The following CSMD3 variants were observed in gnomAD, a reference collection of about 807,000 sequenced individuals.
CSMD3 encodes CUB and sushi domain-containing protein 3.
CSMD3 carries 177 observed loss-of-function variants against 435.2 expected under a neutral mutation model. That is an observed-to-expected ratio of 0.41 (90% CI 0.36 to 0.46). The LOEUF (loss-of-function observed/expected upper bound fraction) is 0.46. Ranked by LOEUF, CSMD3 falls within the 20% of genes least tolerant of loss-of-function variation. CSMD3 has a pLI of 0.34. For synonymous variants in CSMD3, 1,656 were observed against 1,520.5 expected (o/e 1.09, Z -2.07); for missense variants, 4,265 against 4,504.6 (o/e 0.95, Z 1.52).
chr8:112,410,726 A>ATGT (rs2130118618), intron 32 of CSMD3, among the ~76,000 whole-genome samples: 2 of 142,616 alleles, frequency 1.4e-5, no homozygotes, highest in Admixed American at 7.2e-5. Context: ...GTATATATAT[A>ATGT]GGAAAGGTTT....
rs2093255639 is a variant in CSMD3 at position 113,244,550 on chromosome 8, A to G, written c.514+34042T>C. 5.9e-5 allele frequency among the ~76,000 whole-genome samples: 9 copies of G among 152,054 alleles called. No homozygotes were observed. The South Asian group carries it at 1.9e-3, about 32-fold the overall frequency. ...AGGCTGGTCTCAAACTCCTGACCTC[A>G]TGATCCGCCTGCCTCAGACTCCCAA... is the stretch of plus-strand genomic sequence containing the variant. On this transcript the variant is annotated intron_variant, in intron 3 of 70. Coordinates refer to ENST00000297405, the MANE Select transcript of CSMD3 (RefSeq NM_198123.2).
Position 112,396,282 on chromosome 8 carries a change from A to C in CSMD3, c.5810-5494T>G, listed in dbSNP as rs370894453. 2.6e-5 allele frequency among the ~76,000 whole-genome samples: 4 copies of C among 152,332 alleles called. No individual in the cohort carries two copies. In the East Asian group the frequency reaches 5.8e-4, roughly 22 times the overall value. ...GGATGCTGACTTGGCTTAAGTTATT[A>C]ACTGAGCATTCATTGAACTAAGACA... On this transcript the variant is annotated intron_variant, in intron 35 of 70. Coordinates refer to ENST00000297405, the MANE Select transcript of CSMD3 (RefSeq NM_198123.2).
At chr8:113,103,916 A>T (rs1399369391) in intron 4 of CSMD3, among the ~76,000 whole-genome samples, 1 of 152,088 alleles carries the variant, frequency 6.6e-6, no homozygotes. Context: ...AATCTCTGTG[A>T]CAGTTATTTA....
In CSMD3 at chr8:113,230,492, A is replaced by G. The variant is rs555852689; in HGVS notation, c.514+48100T>C. Reference sequence around the variant, plus strand: ...CAGAACCAGAGAACTATTAGAGTTTACATACTTAGAGCCCAATGTCCAGAG... The same window carrying G: ...CAGAACCAGAGAACTATTAGAGTTTGCATACTTAGAGCCCAATGTCCAGAG... On this transcript the variant is annotated intron_variant, in intron 3 of 70. Coordinates refer to ENST00000297405, the MANE Select transcript of CSMD3 (RefSeq NM_198123.2). 7.9e-5 allele frequency among the ~76,000 whole-genome samples: 12 copies of G among 151,762 alleles called. No individual in the cohort carries two copies. The South Asian group carries it at 2.5e-3, about 31-fold the overall frequency.
intron 38 of CSMD3, among the ~76,000 whole-genome samples, chr8:112,353,898 A>G (rs1826359762): frequency 6.6e-6 from 1 of 152,218 alleles, no homozygotes; most frequent in Non-Finnish European, 1.5e-5. Flanking sequence ...CAACAAAAAA[A>G]GAAAAATACA....
intron 12 of CSMD3, among the ~76,000 whole-genome samples, chr8:112,815,799 GA>G (rs1433196207): frequency 6.6e-6 from 1 of 152,014 alleles, no homozygotes; most frequent in East Asian, 1.9e-4. Context: ...AAATCACAAT[GA>G]AAAAATAATG....
intron 6 of CSMD3, among the ~76,000 whole-genome samples, chr8:112,985,625 G>A (rs763190755): frequency 3.9e-5 from 6 of 152,116 alleles, no homozygotes; most frequent in Admixed American, 6.6e-5. Context: ...GTGAGCAAGC[G>A]AGCAAAGCTT....
chr8:112,920,997 G>GCACACATA (rs2082724226), intron 10 of CSMD3, among the ~76,000 whole-genome samples: 1 of 114,966 alleles, frequency 8.7e-6, no homozygotes, highest in African/African-American at 3.0e-5. Context: ...ACGCGCGCGC[G>GCACACATA]CACACACACA....
At chr8:112,854,800 TCCTAGCAAAAACTTCA>T (rs2080599158) in intron 11 of CSMD3, among the ~76,000 whole-genome samples, 1 of 152,118 alleles carries the variant, frequency 6.6e-6, no homozygotes. Context: ...TTCCCTGAAG[TCCTAGCAAAAACTTCA>T]CCTGAGGCAA....
intron 27 of CSMD3, among the ~76,000 whole-genome samples, chr8:112,531,712 C>A (rs904692178): frequency 6.6e-6 from 1 of 152,036 alleles, no homozygotes; most frequent in African/African-American, 2.4e-5. Context: ...AATAATAAAT[C>A]CTATTTGAAT....
At chr8:113,018,841 G>T in intron 6 of CSMD3, 1 of 534,582 alleles carries the variant, frequency 1.9e-6, no homozygotes, top group Admixed American at 3.3e-5. Flanking sequence ...CTACCTTTTA[G>T]AAATCATAAT....
At position 113,411,416 on chromosome 8, in the gene CSMD3, G is replaced by C. The variant is rs114251474; in HGVS notation, c.178+25261C>G. ...ACTTGTGTTCCCGTTCAAACAACTG[G>C]ATCTTCTTTAAAATGGAAACACCCT... is the stretch of plus-strand genomic sequence containing the variant. On this transcript the variant is annotated intron_variant, in intron 1 of 70. Coordinates refer to ENST00000297405, the MANE Select transcript of CSMD3 (RefSeq NM_198123.2). 9.9e-3 allele frequency among the ~76,000 whole-genome samples: 1,511 copies of C among 152,128 alleles called. 17 individuals are homozygous for C. The highest frequency in any genetic ancestry group is 0.035 in the African/African-American group (1,448 of 41,514).
intron 4 of CSMD3, among the ~76,000 whole-genome samples, chr8:113,118,089 C>T (rs1760569728): frequency 6.6e-6 from 1 of 152,148 alleles, no homozygotes; most frequent in Admixed American, 6.6e-5. Flanking sequence ...TCATTCAAAT[C>T]AGTAATGCTT....
chr8:112,249,753 G>A (rs1815098760), intron 63 of CSMD3, among the ~76,000 whole-genome samples: 1 of 151,976 alleles, frequency 6.6e-6, no homozygotes, highest in Non-Finnish European at 1.5e-5. Flanking sequence ...TGAAATGCAT[G>A]CATATTTTCA....
chr8:113,412,664 A>G (rs1331348196), intron 1 of CSMD3, among the ~76,000 whole-genome samples: 1 of 152,164 alleles, frequency 6.6e-6, no homozygotes, highest in Non-Finnish European at 1.5e-5. Flanking sequence ...AAACTATAGT[A>G]TAAAAGCATT....
intron 30 of CSMD3, among the ~76,000 whole-genome samples, chr8:112,495,463 A>G (rs949264441): frequency 6.6e-6 from 1 of 152,242 alleles, no homozygotes; most frequent in Admixed American, 6.5e-5. Context: ...AAATTTAAAA[A>G]TAATGCCTCT....
At chr8:112,443,447 T>C (rs1445549917) in intron 32 of CSMD3, among the ~76,000 whole-genome samples, 2 of 152,172 alleles carry the variant, frequency 1.3e-5, no homozygotes, top group East Asian at 1.9e-4. Context: ...TTGCAAAATA[T>C]ATTCATACAA....
chr8:113,368,171 C>T (rs2094324957), intron 1 of CSMD3, among the ~76,000 whole-genome samples: 1 of 152,098 alleles, frequency 6.6e-6, no homozygotes, highest in Admixed American at 6.6e-5. Flanking sequence ...TGCCAGACTA[C>T]CAAACTTCTA....
intron 32 of CSMD3, among the ~76,000 whole-genome samples, chr8:112,445,588 C>G (rs1008602270): frequency 1.3e-5 from 2 of 152,158 alleles, no homozygotes; most frequent in African/African-American, 4.8e-5. Flanking sequence ...GGAGATGGCA[C>G]TAAGCCATTT....
Sources: gnomAD v4.1 joint callset for allele counts (sites outside exome capture counted in the v4.1 genomes callset) on GRCh38, gnomAD v4.1.1 for gene constraint, MANE v1.5 for transcripts, NCBI Gene and HGNC (gene_info 2026-07-23, HGNC 2026-07-21) for gene names.